Variants in TBC1D5 observed in about 807,000 individuals in gnomAD.
TBC1D5 encodes TBC1 domain family, member 5.
Under a neutral mutation model 100.3 loss-of-function variants are expected in TBC1D5, and 75 were observed. That is an observed-to-expected ratio of 0.75 (90% CI 0.62 to 0.91). The LOEUF is 0.91. TBC1D5 is among the 40% of genes least tolerant of loss of function. The pLI is 0.00. For missense variants in TBC1D5, 910 were observed against 942.4 expected (o/e 0.97, Z 0.45); for synonymous variants, 323 against 325.6 (o/e 0.99, Z 0.09).
At position 17,540,231 on chromosome 3, in the gene TBC1D5, A is replaced by G. The variant is rs528284878; in HGVS notation, c.-35-31626T>C. 3.9e-5 allele frequency among the ~76,000 whole-genome samples: 6 copies of G among 152,348 alleles called. No individual in the cohort carries two copies. The East Asian group carries it at 9.6e-4, about 24-fold the overall frequency. The stretch of plus-strand genomic sequence containing the variant: ...TAGGAATTCTCCATATATGCATTAT[A>G]TAACCCTTTTCAGATATATAATTTG... On this transcript the variant is annotated intron_variant, in intron 2 of 21. Coordinates refer to ENST00000253692, the Ensembl canonical transcript of TBC1D5.
At chr3:17,445,998 G>C (rs1233774277) in intron 3 of TBC1D5, among the ~76,000 whole-genome samples, 1 of 152,158 alleles carries the variant, frequency 6.6e-6, no homozygotes, top group Non-Finnish European at 1.5e-5. Flanking sequence ...TAAGAGTAAT[G>C]CACTTCTGCC....
intron 2 of TBC1D5, among the ~76,000 whole-genome samples, chr3:17,541,196 CAAAAA>C (rs201255674): frequency 9.1e-6 from 1 of 109,606 alleles, no homozygotes; most frequent in Admixed American, 9.6e-5. Flanking sequence ...CTATTTCTTC[CAAAAA>C]AAAAAAAAAA....
intron 18 of TBC1D5, among the ~76,000 whole-genome samples, chr3:17,199,656 T>C (rs951874839): frequency 3.3e-5 from 5 of 152,196 alleles, no homozygotes; most frequent in Admixed American, 2.6e-4. Flanking sequence ...TGGTAGTATA[T>C]ATATGTACTG....
intron 16 of TBC1D5, among the ~76,000 whole-genome samples, chr3:17,256,203 T>C (rs994821363): frequency 6.6e-6 from 1 of 152,070 alleles, no homozygotes; most frequent in African/African-American, 2.4e-5. Flanking sequence ...TTTCAAAGAT[T>C]TGCCAATTTT....
chr3:17,664,168 C>G (rs2066975576), intron 1 of TBC1D5, among the ~76,000 whole-genome samples: 1 of 152,160 alleles, frequency 6.6e-6, no homozygotes, highest in South Asian at 2.1e-4. Flanking sequence ...CTCCCGGGTT[C>G]AAGCAATTCT....
At chr3:17,386,447 T>G (rs1373547881) in intron 8 of TBC1D5, among the ~76,000 whole-genome samples, 1 of 152,166 alleles carries the variant, frequency 6.6e-6, no homozygotes, top group Non-Finnish European at 1.5e-5. Flanking sequence ...TTAAGTCAAC[T>G]TTAGGCTGAA....
chr3:17,445,609 T>G (rs2094772295), intron 3 of TBC1D5, among the ~76,000 whole-genome samples: 1 of 152,194 alleles, frequency 6.6e-6, no homozygotes. Flanking sequence ...GTGAGAATAG[T>G]ACAATAAGAT....
chr3:17,684,914 C>G (rs2070038765), intron 1 of TBC1D5, among the ~76,000 whole-genome samples: 1 of 151,790 alleles, frequency 6.6e-6, no homozygotes, highest in African/African-American at 2.4e-5. Flanking sequence ...CTGAACTGTC[C>G]TAAAAACATT....
intron 18 of TBC1D5, among the ~76,000 whole-genome samples, chr3:17,199,975 G>A (rs1023705503): frequency 1.3e-5 from 2 of 152,208 alleles, no homozygotes; most frequent in Non-Finnish European, 2.9e-5. Flanking sequence ...ATGAAAGCCA[G>A]AAGTCTGAGT....
At chr3:17,561,472 A>T (rs1034342016) in intron 2 of TBC1D5, among the ~76,000 whole-genome samples, 2 of 152,196 alleles carry the variant, frequency 1.3e-5, no homozygotes, top group Admixed American at 6.5e-5. Flanking sequence ...AAATTAGCAG[A>T]CAGAGAAGCA....
At chr3:17,324,263 T>G (rs532453850) in intron 13 of TBC1D5, among the ~76,000 whole-genome samples, 1 of 152,214 alleles carries the variant, frequency 6.6e-6, no homozygotes, top group Non-Finnish European at 1.5e-5. Flanking sequence ...AAAGATTTCT[T>G]AGGACATAGA....
chr3:17,575,674 G>A (rs1349571871), intron 2 of TBC1D5, among the ~76,000 whole-genome samples: 1 of 152,086 alleles, frequency 6.6e-6, no homozygotes, highest in Non-Finnish European at 1.5e-5. Flanking sequence ...TTTATGTCAT[G>A]AGAACATAAG....
At chr3:17,583,542 A>G (rs1037423506) in intron 2 of TBC1D5, among the ~76,000 whole-genome samples, 106 of 152,268 alleles carry the variant, frequency 7.0e-4, no homozygotes, top group African/African-American at 2.5e-3. Context: ...CCTTGGCAAC[A>G]TGGAAAAACC....
intron 10 of TBC1D5, 128 bp downstream of exon 10, chr3:17,376,397 A>C: frequency 1.3e-6 from 1 of 789,164 alleles, no homozygotes; most frequent in Non-Finnish European, 2.0e-6. Context: ...CACATGAAAC[A>C]CAATCAAATG....
intron 13 of TBC1D5, among the ~76,000 whole-genome samples, chr3:17,357,828 A>C (rs1301323138): frequency 1.3e-5 from 2 of 152,220 alleles, no homozygotes; most frequent in Admixed American, 1.3e-4. Flanking sequence ...TTTGGTTGCA[A>C]TGAATGAAGA....
chr3:17,664,915 T>A (rs1428076867), intron 1 of TBC1D5: 1 of 151,858 alleles, frequency 6.6e-6, no homozygotes, highest in African/African-American at 2.4e-5. Flanking sequence ...CAGAAGAATG[T>A]TTGCCTCCAC....
chr3:17,600,274 C>T (rs1257563920), intron 2 of TBC1D5, among the ~76,000 whole-genome samples: 2 of 152,000 alleles, frequency 1.3e-5, no homozygotes, highest in African/African-American at 4.8e-5. Flanking sequence ...GTATATAAAC[C>T]AACTGAATTG....
At chr3:17,368,667 ATTTTAC>A (rs1177872714) in intron 13 of TBC1D5, among the ~76,000 whole-genome samples, 1 of 151,462 alleles carries the variant, frequency 6.6e-6, no homozygotes, top group East Asian at 1.9e-4. Flanking sequence ...AATTTCTAAT[ATTTTAC>A]TTTTATTTTT....
intron 1 of TBC1D5, among the ~76,000 whole-genome samples, chr3:17,732,993 G>A (rs1165641431): frequency 6.6e-6 from 1 of 152,158 alleles, no homozygotes; most frequent in Non-Finnish European, 1.5e-5. Context: ...CTGGTAGAAA[G>A]CATATAGTAC....
Sources: gnomAD v4.1 joint callset for allele counts (sites outside exome capture counted in the v4.1 genomes callset) on GRCh38, gnomAD v4.1.1 for gene constraint, MANE v1.5 for transcripts, NCBI Gene and HGNC (gene_info 2026-07-23, HGNC 2026-07-21) for gene names.